Variants in PRR5L observed in about 807,000 individuals in gnomAD.
PRR5L encodes the protein proline rich 5 like.
In PRR5L, 21 loss-of-function variants were observed where a neutral mutation model predicts 36.4. The ratio of observed to expected loss-of-function variants is 0.58; its 90% CI spans 0.41 to 0.83. The LOEUF (loss-of-function observed/expected upper bound fraction) is 0.83. Ranked by LOEUF, PRR5L falls within the 40% of genes least tolerant of loss-of-function variation. The pLI is 0.00. For missense variants in PRR5L, 381 were observed against 473.3 expected (o/e 0.80, Z 1.81); for synonymous variants, 188 against 197.0 (o/e 0.95, Z 0.38).
chr11:36,384,177 C>G (rs1249061981), intron 1 of PRR5L, among the ~76,000 whole-genome samples: 3 of 152,180 alleles, frequency 2.0e-5, no homozygotes, highest in African/African-American at 7.2e-5. Flanking sequence ...TCTTCCTTCT[C>G]AAAATTTCCT....
intron 3 of PRR5L, among the ~76,000 whole-genome samples, chr11:36,413,429 T>C (rs1052261960): frequency 2.0e-5 from 3 of 152,144 alleles, no homozygotes; most frequent in Non-Finnish European, 4.4e-5. Context: ...GTAACCTTGG[T>C]GGTGGTTATT....
intron 1 of PRR5L, among the ~76,000 whole-genome samples, chr11:36,335,809 C>T (rs370512805): frequency 1.5e-3 from 234 of 152,268 alleles, no homozygotes; most frequent in African/African-American, 4.9e-3. Flanking sequence ...AAAAGTGAAA[C>T]GACTTTTCTT....
chr11:36,409,900 C>T (rs1180561265), intron 3 of PRR5L, among the ~76,000 whole-genome samples: 1 of 152,188 alleles, frequency 6.6e-6, no homozygotes, highest in Non-Finnish European at 1.5e-5. Context: ...TGAACCCAAG[C>T]CTCCCACATG....
chr11:36,436,681 GTAT>G (rs1858611764), intron 5 of PRR5L, among the ~76,000 whole-genome samples: 1 of 152,300 alleles, frequency 6.6e-6, no homozygotes, highest in Admixed American at 6.5e-5. Context: ...AAACAAAACA[GTAT>G]ATAGCTGTGC....
chr11:36,429,125 A>T (rs977165483), intron 4 of PRR5L, among the ~76,000 whole-genome samples: 1 of 152,202 alleles, frequency 6.6e-6, no homozygotes, highest in African/African-American at 2.4e-5. Flanking sequence ...AATCCAGGCC[A>T]TGATTTGAGG....
intron 1 of PRR5L, among the ~76,000 whole-genome samples, chr11:36,351,329 T>G (rs1315681921): frequency 1.4e-5 from 1 of 72,070 alleles, no homozygotes; most frequent in African/African-American, 5.4e-5. Flanking sequence ...TATAAATATT[T>G]ATATATATTT....
At chr11:36,310,934 T>TTGCAGTGA (rs1322390408) in intron 1 of PRR5L, among the ~76,000 whole-genome samples, 2 of 146,568 alleles carry the variant, frequency 1.4e-5, no homozygotes, top group African/African-American at 5.1e-5. Context: ...GAGTCAGAGG[T>TTGCAGTGA]TGCAGTGAGC....
chr11:36,353,008 C>T (rs1256186999), intron 1 of PRR5L, among the ~76,000 whole-genome samples: 1 of 152,204 alleles, frequency 6.6e-6, no homozygotes, highest in African/African-American at 2.4e-5. Flanking sequence ...TTTGTTCTTA[C>T]AGACAGAGTC....
intron 6 of PRR5L, 80 bp from the exon 7 acceptor site, chr11:36,446,220 T>C: frequency 2.0e-6 from 3 of 1,503,616 alleles, no homozygotes; most frequent in Non-Finnish European, 2.7e-6. Context: ...TATAAACATG[T>C]GTTGTCTTGA....
chr11:36,418,355 A>G (rs1405499883), intron 3 of PRR5L, among the ~76,000 whole-genome samples: 1 of 152,012 alleles, frequency 6.6e-6, no homozygotes, highest in Non-Finnish European at 1.5e-5. Context: ...GGGTGAGGGG[A>G]GGGGGTTCTG....
intron 1 of PRR5L, among the ~76,000 whole-genome samples, chr11:36,336,756 C>T (rs1856772870): frequency 6.6e-6 from 1 of 151,990 alleles, no homozygotes; most frequent in South Asian, 2.1e-4. Context: ...GTCTGCTTCC[C>T]ATTTAGAATC....
intron 8 of PRR5L, among the ~76,000 whole-genome samples, chr11:36,461,099 C>T (rs1339480611): frequency 1.3e-5 from 2 of 152,154 alleles, no homozygotes; most frequent in African/African-American, 4.8e-5. Context: ...CTTGGATGGG[C>T]AGCTAGAAGA....
At chr11:36,317,251 C>T (rs550303564) in intron 1 of PRR5L, among the ~76,000 whole-genome samples, 14 of 152,306 alleles carry the variant, frequency 9.2e-5, no homozygotes, top group African/African-American at 2.2e-4. Context: ...AATGGATAAG[C>T]GTCTTAACAC....
At chr11:36,409,165 T>C (rs757851922) in intron 3 of PRR5L, among the ~76,000 whole-genome samples, 1 of 152,064 alleles carries the variant, frequency 6.6e-6, no homozygotes, top group African/African-American at 2.4e-5. Flanking sequence ...AAATCAGAAG[T>C]GGGAGCAGGC....
At chr11:36,429,050 T>TA (rs1298264248) in intron 4 of PRR5L, among the ~76,000 whole-genome samples, 6 of 152,134 alleles carry the variant, frequency 3.9e-5, no homozygotes, top group Non-Finnish European at 2.9e-5. Context: ...TGAAAATATA[T>TA]AAAAAAGATT....
intron 1 of PRR5L, among the ~76,000 whole-genome samples, chr11:36,296,674 G>A (rs998226791): frequency 2.0e-5 from 3 of 152,176 alleles, no homozygotes; most frequent in East Asian, 1.9e-4. Flanking sequence ...ATATCTCTGG[G>A]TGACCAGGGT....
At chr11:36,345,508 A>AG (rs2133483729) in intron 1 of PRR5L, among the ~76,000 whole-genome samples, 1 of 152,314 alleles carries the variant, frequency 6.6e-6, no homozygotes, top group South Asian at 2.1e-4. Context: ...GAATTCATGC[A>AG]GAAAAAAAAA....
At chr11:36,357,439 C>T (rs1857039608) in intron 1 of PRR5L, among the ~76,000 whole-genome samples, 1 of 152,188 alleles carries the variant, frequency 6.6e-6, no homozygotes, top group South Asian at 2.1e-4. Flanking sequence ...AAGGTGCTAT[C>T]TAGGACTTTC....
At chr11:36,415,778 A>C (rs1224115576) in intron 3 of PRR5L, among the ~76,000 whole-genome samples, 1 of 152,022 alleles carries the variant, frequency 6.6e-6, no homozygotes, top group Non-Finnish European at 1.5e-5. Context: ...AAAATAAATA[A>C]AATGCATATG....
Sources: gnomAD v4.1 joint callset for allele counts (sites outside exome capture counted in the v4.1 genomes callset) on GRCh38, gnomAD v4.1.1 for gene constraint, MANE v1.5 for transcripts, NCBI Gene and HGNC (gene_info 2026-07-23, HGNC 2026-07-21) for gene names.